The following MIR2052HG variants were observed in gnomAD, a reference collection of about 807,000 sequenced individuals.
MIR2052HG encodes MIR2052 host gene.
At chr8:74,631,072 T>C (rs927108142) in intron 2 of MIR2052HG, among the ~76,000 whole-genome samples, 2 of 152,238 alleles carry the variant, frequency 1.3e-5, no homozygotes, top group Non-Finnish European at 2.9e-5. Context: ...TTATGGTTGG[T>C]AATAAAAAAG....
chr8:74,716,675 A>G (rs561596250), intron 4 of MIR2052HG, among the ~76,000 whole-genome samples: 56 of 152,138 alleles, frequency 3.7e-4, no homozygotes, highest in African/African-American at 1.2e-3. Flanking sequence ...ATGCCACTGT[A>G]CTCCAGCCCA....
chr8:74,628,538 G>A (rs1563517271), intron 2 of MIR2052HG, among the ~76,000 whole-genome samples: 1 of 152,130 alleles, frequency 6.6e-6, no homozygotes, highest in Non-Finnish European at 1.5e-5. Context: ...AACTGCTTGG[G>A]GCAAAGCCTA....
At chr8:74,604,207 G>T in intron 1 of MIR2052HG, 1 of 904,414 alleles carries the variant, frequency 1.1e-6, no homozygotes, top group Non-Finnish European at 1.9e-6. Flanking sequence ...GATGGTGAGA[G>T]TGATATTTAA....
intron 2 of MIR2052HG, among the ~76,000 whole-genome samples, chr8:74,677,195 T>G (rs1048670969): frequency 6.6e-6 from 1 of 151,986 alleles, no homozygotes; most frequent in Non-Finnish European, 1.5e-5. Context: ...GTTCAATATA[T>G]ATGCACAAAA....
At chr8:74,679,453 C>T (rs1027610190) in intron 2 of MIR2052HG, among the ~76,000 whole-genome samples, 2 of 151,750 alleles carry the variant, frequency 1.3e-5, no homozygotes, top group Non-Finnish European at 2.9e-5. Context: ...AGTAGTAGTC[C>T]ATGGTGTATA....
chr8:74,605,985 C>T (rs1808105336), intron 1 of MIR2052HG, among the ~76,000 whole-genome samples: 1 of 152,022 alleles, frequency 6.6e-6, no homozygotes, highest in African/African-American at 2.4e-5. Flanking sequence ...TTCTCTGGCC[C>T]CGAAGAAGGG....
At chr8:74,603,626 C>T in intron 1 of MIR2052HG, 2 of 1,451,852 alleles carry the variant, frequency 1.4e-6, no homozygotes, top group Non-Finnish European at 9.7e-7. Context: ...ATGGTCAAAT[C>T]TGGCTGTGGA....
At chr8:74,742,242 A>C (rs913429354) in intron 4 of MIR2052HG, among the ~76,000 whole-genome samples, 2 of 152,176 alleles carry the variant, frequency 1.3e-5, no homozygotes, top group Middle Eastern at 3.2e-3. Flanking sequence ...TTACGTGGTA[A>C]CTATTCCTTT....
intron 1 of MIR2052HG, among the ~76,000 whole-genome samples, chr8:74,604,874 G>A (rs948787286): frequency 2.6e-5 from 4 of 152,034 alleles, no homozygotes; most frequent in Non-Finnish European, 5.9e-5. Flanking sequence ...GATTACAGGC[G>A]TGAGCCACCG....
At chr8:74,623,150 A>T (rs750063534) in intron 2 of MIR2052HG, among the ~76,000 whole-genome samples, 2 of 152,380 alleles carry the variant, frequency 1.3e-5, no homozygotes, top group African/African-American at 4.8e-5. Context: ...TAGTGTTCTC[A>T]TCACAAAAAA....
intron 2 of MIR2052HG, among the ~76,000 whole-genome samples, chr8:74,678,452 A>G (rs1809079609): frequency 6.6e-6 from 1 of 150,974 alleles, no homozygotes; most frequent in African/African-American, 2.4e-5. Context: ...AATCCCAGCT[A>G]CTTGGGAGGC....
intron 1 of MIR2052HG, among the ~76,000 whole-genome samples, chr8:74,602,876 T>TCTTTCTTTCTTTCTTTCTTTCTTTCCTTC (rs1554570015): frequency 7.3e-6 from 1 of 137,064 alleles, no homozygotes; most frequent in Admixed American, 7.5e-5. Context: ...TTTCTTTCTT[T>TCTTTCTTTCTTTCTTTCTTTCTTTCCTTC]TTTCTATTCA....
intron 4 of MIR2052HG, among the ~76,000 whole-genome samples, chr8:74,709,521 A>G (rs1399825308): frequency 6.6e-6 from 1 of 152,030 alleles, no homozygotes; most frequent in Non-Finnish European, 1.5e-5. Flanking sequence ...CCTTTTCATT[A>G]TCTATCTGTT....
intron 4 of MIR2052HG, among the ~76,000 whole-genome samples, chr8:74,729,323 G>T (rs1809667096): frequency 6.6e-6 from 1 of 152,122 alleles, no homozygotes; most frequent in Non-Finnish European, 1.5e-5. Context: ...GTTTTATAAA[G>T]TGTGCTATTA....
chr8:74,664,905 C>A (rs556789541), intron 2 of MIR2052HG, among the ~76,000 whole-genome samples: 1 of 152,316 alleles, frequency 6.6e-6, no homozygotes, highest in Non-Finnish European at 1.5e-5. Flanking sequence ...CAAGTCTTTG[C>A]TGAAGATCTC....
intron 2 of MIR2052HG, among the ~76,000 whole-genome samples, chr8:74,700,447 A>C (rs924071195): frequency 6.6e-6 from 1 of 152,204 alleles, no homozygotes; most frequent in African/African-American, 2.4e-5. Flanking sequence ...TCTGATAGCC[A>C]CATTAAAAGA....
chr8:74,631,402 T>C (rs983421116), intron 2 of MIR2052HG, among the ~76,000 whole-genome samples: 5 of 152,228 alleles, frequency 3.3e-5, no homozygotes, highest in African/African-American at 1.2e-4. Flanking sequence ...TTCTATCCTT[T>C]TTTCTGAAAG....
intron 2 of MIR2052HG, among the ~76,000 whole-genome samples, chr8:74,683,278 G>C (rs1287820909): frequency 6.6e-6 from 1 of 152,076 alleles, no homozygotes; most frequent in Non-Finnish European, 1.5e-5. Flanking sequence ...AAAGAATTGG[G>C]AATGAAGAAT....
intron 4 of MIR2052HG, among the ~76,000 whole-genome samples, chr8:74,745,590 G>T (rs1316042755): frequency 6.6e-6 from 1 of 151,750 alleles, no homozygotes; most frequent in Non-Finnish European, 1.5e-5. Context: ...ACTGTAAATA[G>T]GCATGCAAAA....
Sources: gnomAD v4.1 joint callset for allele counts (sites outside exome capture counted in the v4.1 genomes callset) on GRCh38, gnomAD v4.1.1 for gene constraint, MANE v1.5 for transcripts, NCBI Gene and HGNC (gene_info 2026-07-23, HGNC 2026-07-21) for gene names.